The following DSN1 variants were observed in gnomAD, a reference collection of about 807,000 sequenced individuals.
DSN1 encodes the protein DSN1 component of MIS12 kinetochore complex.
DSN1 carries 31 observed loss-of-function variants against 45.7 expected under a neutral mutation model. The ratio of observed to expected loss-of-function variants is 0.68; its 90% CI spans 0.51 to 0.92. DSN1 has a LOEUF of 0.92. DSN1 is among the 40% of genes least tolerant of loss of function. The pLI is 0.00. For synonymous variants in DSN1, 134 were observed against 142.3 expected (o/e 0.94, Z 0.41); for missense variants, 394 against 414.2 (o/e 0.95, Z 0.42).
intron 5 of DSN1, among the ~76,000 whole-genome samples, chr20:36,765,846 T>TAAAAA (rs72491027): frequency 2.9e-5 from 2 of 69,496 alleles, no homozygotes; most frequent in Admixed American, 1.6e-4. Context: ...AGCAAAAGAC[T>TAAAAA]AAAAAAAAAA....
At chr20:36,759,778 G>A (rs1377591997) in intron 6 of DSN1, among the ~76,000 whole-genome samples, 12 of 152,042 alleles carry the variant, frequency 7.9e-5, no homozygotes, top group South Asian at 2.1e-4. Flanking sequence ...CCACTGTGCC[G>A]GGCTTGCACT....
chr20:36,771,161 G>A lies in DSN1; in HGVS notation c.67C>T (p.His23Tyr). 6.2e-7 allele frequency: 1 copy of A among 1,613,312 alleles called. No individual in the cohort carries two copies. The highest frequency in any genetic ancestry group is 8.5e-7 in the Non-Finnish European group (1 of 1,179,550). The change falls in exon 3 of 11, where the codon CAT (histidine) becomes TAT (tyrosine). Residue 23 changes from histidine to tyrosine, a missense_variant. Physicochemically the swap from His to Tyr is moderately conservative, Grantham distance 83. Coordinates refer to ENST00000373750, the MANE Select transcript of DSN1 (RefSeq NM_001145315.2). ...KGPVMSKTHD[H>Y]QLESSLSPVE... is the part of the protein sequence containing the mutation. ...GGACTGAGACTTGATTCCAATTGAT[G>A]ATCATGAGTCTTAGACATCACTGGT...
intron 5 of DSN1, among the ~76,000 whole-genome samples, chr20:36,763,603 A>T (rs1331860531): frequency 6.6e-6 from 1 of 150,518 alleles, no homozygotes; most frequent in Non-Finnish European, 1.5e-5. Flanking sequence ...AAAAAAGAAA[A>T]CCAGGCTGGG....
At chr20:36,753,635 C>CAAAAA (rs1290145844) in intron 10 of DSN1, among the ~76,000 whole-genome samples, 1 of 49,888 alleles carries the variant, frequency 2.0e-5, no homozygotes, top group Non-Finnish European at 4.2e-5. Context: ...GAGACTGTCT[C>CAAAAA]AAAAAAAAAA....
chr20:36,769,940 C>CACACAG (rs1180907554), intron 3 of DSN1, among the ~76,000 whole-genome samples: 27 of 85,018 alleles, frequency 3.2e-4, no homozygotes, highest in African/African-American at 7.5e-4. Flanking sequence ...CACACACACA[C>CACACAG]AGAGAGAGAG....
chr20:36,770,121 G>A (rs944914610), intron 3 of DSN1, among the ~76,000 whole-genome samples: 3 of 152,116 alleles, frequency 2.0e-5, no homozygotes, highest in African/African-American at 7.2e-5. Context: ...GATAGATTGA[G>A]TGGCGCAATC....
intron 9 of DSN1, among the ~76,000 whole-genome samples, chr20:36,755,216 A>G (rs1211594106): frequency 2.6e-5 from 4 of 152,124 alleles, no homozygotes; most frequent in African/African-American, 9.7e-5. Flanking sequence ...TCTACTGCCT[A>G]TAAGCCCCAG....
chr20:36,772,731 C>T (rs1313729984), intron 1 of DSN1, among the ~76,000 whole-genome samples: 1 of 152,278 alleles, frequency 6.6e-6, no homozygotes, highest in Non-Finnish European at 1.5e-5. Flanking sequence ...ACATATCTGT[C>T]CTTCTACCTG....
At chr20:36,772,145 T>C (rs544922331) in intron 1 of DSN1, among the ~76,000 whole-genome samples, 3 of 151,864 alleles carry the variant, frequency 2.0e-5, no homozygotes, top group Non-Finnish European at 4.4e-5. Flanking sequence ...CCTCCCAAAG[T>C]CTGGGATTAC....
In DSN1 at chr20:36,751,887, G is replaced by T. The variant is rs1858530305; in HGVS notation, c.*901C>A. ...GAATAGTAGTACTTACTCCTTTCTT[G>T]TCATGAATCCAGGATTTAGGTCAAC... On this transcript the variant is annotated 3_prime_UTR_variant, in exon 11 of 11. Coordinates refer to ENST00000373750, the MANE Select transcript of DSN1 (RefSeq NM_001145315.2). The T allele has an allele frequency of 1.3e-5, 2 of 150,862 alleles. No individual in the cohort carries two copies. The highest frequency in any genetic ancestry group is 5.0e-5 in the African/African-American group (2 of 40,210). The allele number at this position is 150,862 out of a possible 1,614,324, so 9.3% of individuals were successfully genotyped here.
rs751563183 is a variant in DSN1 at position 36,755,808 on chromosome 20, AATTTTGGCCTCAGTT to A, written c.732_746del (p.Ala247_Glu251del). On this transcript the variant is annotated inframe_deletion, in exon 9 of 11. Transcript: ENST00000373750. ...TCATAGGTTCCACTTTGACCTCAGT[AATTTTGGCCTCAGTT>A]GATCCTCTAAAAACAAAACACAAGA... 2 of 1,612,364 alleles carry A rather than the reference AATTTTGGCCTCAGTT, an allele frequency of 1.2e-6. No homozygotes were observed. The highest frequency in any genetic ancestry group is 1.1e-5 in the South Asian group (1 of 90,778).
chr20:36,763,410 G>A (rs149015697), intron 5 of DSN1, among the ~76,000 whole-genome samples: 576 of 84,100 alleles, frequency 6.8e-3, no homozygotes, highest in African/African-American at 0.013. Context: ...CTCAAAAAAA[G>A]AAAAAAAAAA....
intron 8 of DSN1, among the ~76,000 whole-genome samples, chr20:36,757,886 A>G (rs1214866226): frequency 6.6e-6 from 1 of 152,210 alleles, no homozygotes; most frequent in Non-Finnish European, 1.5e-5. Context: ...TCTTGGACTG[A>G]AAATAGTGAC....
intron 4 of DSN1, among the ~76,000 whole-genome samples, chr20:36,767,680 G>A (rs755546088): frequency 2.6e-5 from 4 of 152,144 alleles, no homozygotes; most frequent in Non-Finnish European, 5.9e-5. Context: ...GAGGCAGGCG[G>A]ATCAGGAGGT....
chr20:36,762,088 A>G (rs1429107940), intron 6 of DSN1, among the ~76,000 whole-genome samples: 2 of 151,786 alleles, frequency 1.3e-5, no homozygotes, highest in Non-Finnish European at 2.9e-5. Context: ...AATTACAACA[A>G]AAGTCCTAAT....
intron 10 of DSN1, among the ~76,000 whole-genome samples, chr20:36,753,385 C>T (rs554654400): frequency 1.6e-4 from 24 of 150,310 alleles, no homozygotes; most frequent in Non-Finnish European, 3.2e-4. Flanking sequence ...TCCCTGTAAT[C>T]CCAACACTTT....
chr20:36,765,967 CG>C (rs1276670552), intron 5 of DSN1, among the ~76,000 whole-genome samples: 2 of 150,846 alleles, frequency 1.3e-5, no homozygotes. Context: ...CCAAGGCGGG[CG>C]GATCACCTAA....
Position 36,762,529 on chromosome 20 carries a change from T to C in DSN1, c.522A>G (p.Glu174=), listed in dbSNP as rs1456102197. Residue 174 remains glutamate (E), a synonymous_variant, in exon 6 of 11, where the codon GAA becomes GAG. Transcript: ENST00000373750. The part of the protein sequence containing the change: ...FRAKASSLSE[E]LKHFADGLET... ...CCAGTCCGTCTGCAAAATGTTTCAA[T>C]TCTTCAGAAAGAGAAGATGCTAGAC... 1 of 1,613,726 alleles carries C rather than the reference T, an allele frequency of 6.2e-7. No individual in the cohort carries two copies. The highest frequency in any genetic ancestry group is 1.7e-5 in the Admixed American group (1 of 59,952).
chr20:36,768,578 T>A (rs530754872), intron 3 of DSN1, among the ~76,000 whole-genome samples: 6 of 152,308 alleles, frequency 3.9e-5, no homozygotes, highest in Admixed American at 3.3e-4. Context: ...GGTTTCCCCA[T>A]GTTGGCCAGG....
Sources: allele counts gnomAD v4.1 joint callset (sites outside exome capture counted in the v4.1 genomes callset), GRCh38; gene constraint gnomAD v4.1.1; transcripts MANE v1.5; gene names NCBI Gene and HGNC (gene_info 2026-07-23, HGNC 2026-07-21).